TMEM74: variants seen among roughly 807,000 people sequenced by gnomAD.
The protein encoded by TMEM74 is transmembrane protein 74.
TMEM74 carries 13 observed loss-of-function variants against 18.1 expected under a neutral mutation model. The ratio of observed to expected loss-of-function variants is 0.72; its 90% CI spans 0.47 to 1.14. The LOEUF (loss-of-function observed/expected upper bound fraction) is 1.14. TMEM74 is among the 50% of genes most tolerant of loss of function. TMEM74 has a pLI of 0.00. For missense variants in TMEM74, 372 were observed against 375.9 expected (o/e 0.99, Z 0.09); for synonymous variants, 159 against 146.6 (o/e 1.08, Z -0.61).
Position 108,779,475 on chromosome 8 carries a change from G to A in TMEM74, c.*4706C>T, listed in dbSNP as rs557079572. On this transcript the variant is annotated 3_prime_UTR_variant, in exon 2 of 2. Coordinates refer to ENST00000297459, the MANE Select transcript of TMEM74 (RefSeq NM_153015.3). ...CCCTGAAATAAAATAACAATTCACG[G>A]TAAAATAATTTCCAAATATCTCACA... Among the ~76,000 whole-genome samples, 1 of 152,106 alleles carries A rather than the reference G, an allele frequency of 6.6e-6. No individual in the cohort carries two copies. The highest frequency in any genetic ancestry group is 2.1e-4 in the South Asian group (1 of 4,826).
At chr8:108,672,601 C>T (rs1813014608) in intron 1 of TMEM74, among the ~76,000 whole-genome samples, 3 of 152,282 alleles carry the variant, frequency 2.0e-5, no homozygotes, top group Admixed American at 2.0e-4. Context: ...GTGTGAAACT[C>T]ACTCAGGATG....
At chr8:108,663,844 C>A (rs1191068988) in intron 1 of TMEM74, among the ~76,000 whole-genome samples, 1 of 152,150 alleles carries the variant, frequency 6.6e-6, no homozygotes, top group Non-Finnish European at 1.5e-5. Context: ...TTATCTTCAG[C>A]AAACTCACAA....
At position 108,617,772 on chromosome 8, in the gene TMEM74, GA is replaced by G. The variant is rs1387540587; in HGVS notation, n.265-8947del. ...TCAGAGAAGGTCTTGGAAAGAGGAG[GA>G]AAAAATATAAAATAAAAATTTTACC... On this transcript the variant is annotated intron_variant and non_coding_transcript_variant, in intron 2 of 3. Transcript: ENST00000518838. Among the ~76,000 whole-genome samples, 4 of 152,032 alleles carry G rather than the reference GA, an allele frequency of 2.6e-5. No homozygotes were observed. In the South Asian group the frequency reaches 6.2e-4, roughly 24 times the overall value.
chr8:108,667,236 T>G (rs1175446138), intron 1 of TMEM74, among the ~76,000 whole-genome samples: 3 of 152,196 alleles, frequency 2.0e-5, no homozygotes, highest in Admixed American at 2.0e-4. Context: ...GTTATTCCAC[T>G]TTTGTGAGTA....
intron 1 of TMEM74, among the ~76,000 whole-genome samples, chr8:108,729,858 G>A (rs1356811824): frequency 1.3e-5 from 2 of 152,140 alleles, no homozygotes; most frequent in South Asian, 2.1e-4. Flanking sequence ...GCCTGGCTGG[G>A]GAAACATCTC....
intron 2 of TMEM74, among the ~76,000 whole-genome samples, chr8:108,620,685 G>A (rs1026831868): frequency 2.0e-5 from 3 of 152,048 alleles, no homozygotes; most frequent in African/African-American, 4.8e-5. Context: ...GCTTAGTAAG[G>A]ACATTTGGCT....
In TMEM74 at chr8:108,617,719, G is replaced by A. The variant is rs539147195; in HGVS notation, n.265-8893C>T. 2.0e-5 allele frequency among the ~76,000 whole-genome samples: 3 copies of A among 152,146 alleles called. No individual in the cohort carries two copies. In the East Asian group the frequency reaches 5.8e-4, roughly 29 times the overall value. On this transcript the variant is annotated intron_variant and non_coding_transcript_variant, in intron 2 of 3. Transcript: ENST00000518838. ...ATATAAGGAGCCCTAGGGAGATGTG[G>A]GGGAGAGAAAGTGGGGGAATCAAGT...
chr8:108,746,120 C>T (rs1813846163), intron 1 of TMEM74, among the ~76,000 whole-genome samples: 3 of 152,108 alleles, frequency 2.0e-5, no homozygotes, highest in Admixed American at 2.0e-4. Context: ...TTGTCTGCGG[C>T]TCGTCCTGCT....
At chr8:108,646,382 T>C (rs950889874) in intron 2 of TMEM74, among the ~76,000 whole-genome samples, 1 of 152,030 alleles carries the variant, frequency 6.6e-6, no homozygotes, top group African/African-American at 2.4e-5. Context: ...GAAAAATGAG[T>C]ATAATAATAA....
intron 1 of TMEM74, among the ~76,000 whole-genome samples, chr8:108,719,425 T>C (rs1355295763): frequency 1.3e-5 from 2 of 152,136 alleles, no homozygotes; most frequent in African/African-American, 2.4e-5. Flanking sequence ...CTGCATTGTT[T>C]AGTATTTATT....
intron 2 of TMEM74, among the ~76,000 whole-genome samples, chr8:108,634,715 G>A (rs189329196): frequency 6.3e-4 from 95 of 151,862 alleles, no homozygotes; most frequent in Non-Finnish European, 8.7e-4. Context: ...TTAACATTTA[G>A]GCATGTGGGG....
rs80037679 is a variant in TMEM74, at chr8:108,752,229, C to T, written n.119+35247G>A. Among the ~76,000 whole-genome samples the T allele has an allele frequency of 2.5e-3, 381 of 152,180 alleles. 2 individuals are homozygous for T. The highest frequency in any genetic ancestry group is 8.8e-3 in the African/African-American group (367 of 41,548). On this transcript the variant is annotated intron_variant and non_coding_transcript_variant, in intron 1 of 3. Coordinates refer to the TMEM74 transcript ENST00000518838. ...GTTCCACTACTTGCCAGCTCAGTGG[C>T]CTTGTTTAAATTTCTTAACCTCTCA...
intron 1 of TMEM74, among the ~76,000 whole-genome samples, chr8:108,694,371 ATGC>A (rs1476346118): frequency 2.0e-5 from 3 of 152,356 alleles, no homozygotes; most frequent in Admixed American, 6.5e-5. Context: ...GTACTGATAC[ATGC>A]TGCGATGTGG....
chr8:108,679,791 C>T (rs1813093929), intron 1 of TMEM74, among the ~76,000 whole-genome samples: 1 of 152,092 alleles, frequency 6.6e-6, no homozygotes, highest in Admixed American at 6.6e-5. Flanking sequence ...GTTGCCATTG[C>T]TTTTGGTGTT....
At chr8:108,693,180 G>A (rs1813247533) in intron 1 of TMEM74, among the ~76,000 whole-genome samples, 2 of 152,110 alleles carry the variant, frequency 1.3e-5, no homozygotes, top group South Asian at 4.1e-4. Flanking sequence ...CGGTATGGCT[G>A]GAGTATTATA....
At chr8:108,641,532 C>T (rs750991192) in intron 2 of TMEM74, among the ~76,000 whole-genome samples, 3 of 152,038 alleles carry the variant, frequency 2.0e-5, no homozygotes, top group Non-Finnish European at 4.4e-5. Flanking sequence ...CTTGAGGTCA[C>T]ACTGTAAGGG....
intron 1 of TMEM74, among the ~76,000 whole-genome samples, chr8:108,773,812 C>T (rs182520010): frequency 6.6e-6 from 1 of 152,282 alleles, no homozygotes; most frequent in African/African-American, 2.4e-5. Flanking sequence ...TCCTCAGTCG[C>T]AGGCAAGCCT....
intron 2 of TMEM74, among the ~76,000 whole-genome samples, chr8:108,632,027 C>T (rs2130553410): frequency 2.6e-5 from 4 of 152,078 alleles, no homozygotes; most frequent in Middle Eastern, 6.8e-3. Flanking sequence ...GGGAGGCTTA[C>T]CATTTCAACT....
At chr8:108,641,265 T>A (rs1248946469) in intron 2 of TMEM74, among the ~76,000 whole-genome samples, 1 of 152,138 alleles carries the variant, frequency 6.6e-6, no homozygotes, top group African/African-American at 2.4e-5. Flanking sequence ...CTGGTTGTAA[T>A]AACAATATAT....
Sources: allele counts gnomAD v4.1 joint callset (sites outside exome capture counted in the v4.1 genomes callset), GRCh38; gene constraint gnomAD v4.1.1; transcripts MANE v1.5; gene names NCBI Gene and HGNC (gene_info 2026-07-23, HGNC 2026-07-21).